NAV3: variants seen among roughly 807,000 people sequenced by gnomAD.
The protein encoded by NAV3 is neuron navigator 3.
NAV3 carries 87 observed loss-of-function variants against 244.7 expected under a neutral mutation model. That is an observed-to-expected ratio of 0.36 (90% CI 0.30 to 0.42). The LOEUF (loss-of-function observed/expected upper bound fraction) is 0.42, where lower values mean the gene tolerates loss of function less well. NAV3 is among the 20% of genes least tolerant of loss of function. The pLI is 1.00. For missense variants in NAV3, 2,663 were observed against 2,893.3 expected (o/e 0.92, Z 1.83); for synonymous variants, 1,126 against 1,042.2 (o/e 1.08, Z -1.55).
At chr12:77,622,560 T>TTA (rs1491148669) in intron 2 of NAV3, among the ~76,000 whole-genome samples, 1 of 142,410 alleles carries the variant, frequency 7.0e-6, no homozygotes, top group Non-Finnish European at 1.5e-5. Context: ...TTTTTTTTTT[T>TTA]ACTGGAAGTT....
intron 2 of NAV3, among the ~76,000 whole-genome samples, chr12:77,683,335 A>T (rs1232191893): frequency 1.3e-5 from 2 of 151,562 alleles, no homozygotes; most frequent in Admixed American, 1.3e-4. Flanking sequence ...GTATAGTTTT[A>T]TCTCTGGATA....
Position 78,006,498 on chromosome 12 carries a change from C to G in NAV3, c.960C>G (p.Ala320=). 6.2e-7 allele frequency: 1 copy of G among 1,614,060 alleles called. No homozygotes were observed. The highest frequency in any genetic ancestry group is 8.5e-7 in the Non-Finnish European group (1 of 1,180,024). Residue 320 remains alanine, a synonymous_variant, in exon 8 of 40, where the codon GCC becomes GCG. Transcript: ENST00000397909. ...CCAGTACTGCTGGGCAGCCTCCTGC[C>G]TCTGCCATCCCTTCTCCAAGTGCCA... ...QPPSTAGQPP[A]SAIPSPSASK...
At chr12:78,052,806 T>C (rs1265588278) in intron 11 of NAV3, among the ~76,000 whole-genome samples, 1 of 152,140 alleles carries the variant, frequency 6.6e-6, no homozygotes, top group East Asian at 1.9e-4. Context: ...CTCTTCTCTT[T>C]TTTTTCTCAA....
intron 1 of NAV3, among the ~76,000 whole-genome samples, chr12:77,837,146 G>C (rs11106932): frequency 6.6e-6 from 1 of 151,760 alleles, no homozygotes; most frequent in East Asian, 1.9e-4. Context: ...AGAAAAGACC[G>C]AATTTTTGAA....
At chr12:78,035,724 A>G (rs770120) in intron 9 of NAV3, among the ~76,000 whole-genome samples, 1 of 152,090 alleles carries the variant, frequency 6.6e-6, no homozygotes, top group Non-Finnish European at 1.5e-5. Context: ...TTTTCTTTCT[A>G]TTTCCTTTTT....
At chr12:77,606,331 T>C (rs1423378971) in intron 2 of NAV3, among the ~76,000 whole-genome samples, 1 of 152,164 alleles carries the variant, frequency 6.6e-6, no homozygotes, top group Non-Finnish European at 1.5e-5. Flanking sequence ...CCAATGGTTA[T>C]ATATAAAATA....
At chr12:77,965,592 C>G (rs1892444178) in intron 3 of NAV3, among the ~76,000 whole-genome samples, 1 of 152,182 alleles carries the variant, frequency 6.6e-6, no homozygotes, top group Non-Finnish European at 1.5e-5. Flanking sequence ...GCACTCCAGC[C>G]TGTGTGACGG....
intron 2 of NAV3, among the ~76,000 whole-genome samples, chr12:77,594,624 A>G (rs992322185): frequency 1.4e-4 from 21 of 152,228 alleles, no homozygotes; most frequent in African/African-American, 5.1e-4. Context: ...AGTGAGTCAT[A>G]AAAGAAAATG....
chr12:77,809,895 T>A lies in NAV3; in HGVS notation c.73-130424T>A, dbSNP rs187811107. Among the ~76,000 whole-genome samples the A allele has an allele frequency of 4.1e-3, 623 of 152,346 alleles. 5 individuals are homozygous for A. The highest frequency in any genetic ancestry group is 0.013 in the South Asian group (62 of 4,832). ...GTCAGATACATACTTGGTTAATATA[T>A]CAAATCTACCTTTGGTTGGGTTCGT... On this transcript the variant is annotated intron_variant, in intron 2 of 8. Coordinates refer to the NAV3 transcript ENST00000550042.
At chr12:77,655,144 G>C (rs973762920) in intron 2 of NAV3, among the ~76,000 whole-genome samples, 7 of 152,110 alleles carry the variant, frequency 4.6e-5, no homozygotes, top group African/African-American at 1.4e-4. Flanking sequence ...GGCTTCAGAT[G>C]ATCAAACTAC....
intron 2 of NAV3, among the ~76,000 whole-genome samples, chr12:77,792,584 G>A (rs887583968): frequency 1.3e-5 from 2 of 152,184 alleles, no homozygotes; most frequent in Non-Finnish European, 2.9e-5. Flanking sequence ...ACCACGAGAA[G>A]TCTGTTTCTG....
At position 78,185,653 on chromosome 12, in the gene NAV3, T is replaced by C. The variant is rs1958681749; in HGVS notation, c.5745T>C (p.Ser1915=). The part of the protein sequence containing the change: ...GDATGHKDGR[S]VKIIVSISKG... Reference sequence around the variant, plus strand: ...CAACTGGACATAAAGATGGCCGCAGTGTGAAAATTATAGTCTCCATAAGCA... The same window carrying C: ...CAACTGGACATAAAGATGGCCGCAGCGTGAAAATTATAGTCTCCATAAGCA... Residue 1915 remains serine, a synonymous_variant, in exon 31 of 40, where the codon AGT becomes AGC. Coordinates refer to ENST00000397909, the MANE Select transcript of NAV3 (RefSeq NM_001024383.2). 4 of 1,608,612 alleles carry C rather than the reference T, an allele frequency of 2.5e-6. No homozygotes were observed. The highest frequency in any genetic ancestry group is 4.5e-5 in the East Asian group (2 of 44,658).
chr12:77,593,282 G>GTGTC (rs1869994896), intron 2 of NAV3, among the ~76,000 whole-genome samples: 1 of 19,700 alleles, frequency 5.1e-5, no homozygotes, highest in African/African-American at 1.3e-4. Flanking sequence ...ATGTGTGTCT[G>GTGTC]TGTGTGTGTG....
Position 78,211,464 on chromosome 12 carries a change from T to A in NAV3, c.*947T>A, listed in dbSNP as rs983001720. On this transcript the variant is annotated 3_prime_UTR_variant, in exon 40 of 40. Transcript: ENST00000397909. The stretch of plus-strand genomic sequence containing the variant: ...AACATAGTAGCCTCATCTCTATATA[T>A]CTTTCTCTTTTTTTTTTTTTTGAAG... 2 of 109,838 alleles carry A rather than the reference T, an allele frequency of 1.8e-5. No homozygotes were observed. The highest frequency in any genetic ancestry group is 4.5e-5 in the Non-Finnish European group (2 of 44,454). The allele number at this position is 109,838 out of a possible 1,614,324, so 6.8% of individuals were successfully genotyped here. A position where few individuals can be genotyped will look rare whatever the true frequency, so the allele number is the denominator to read the frequency against.
chr12:77,895,168 T>A (rs1403552801), intron 1 of NAV3, among the ~76,000 whole-genome samples: 1 of 152,130 alleles, frequency 6.6e-6, no homozygotes, highest in Non-Finnish European at 1.5e-5. Context: ...AACATAGACT[T>A]TGCATTCCTA....
intron 12 of NAV3, among the ~76,000 whole-genome samples, chr12:78,077,805 G>C (rs926873922): frequency 6.6e-6 from 1 of 152,224 alleles, no homozygotes; most frequent in African/African-American, 2.4e-5. Flanking sequence ...GGGCATGGCA[G>C]TGGGTGCCTG....
chr12:77,938,985 C>T (rs935832516), intron 1 of NAV3, among the ~76,000 whole-genome samples: 4 of 148,064 alleles, frequency 2.7e-5, no homozygotes, highest in Admixed American at 6.8e-5. Flanking sequence ...GTGTGAAGTG[C>T]GGTGTAGATA....
chr12:78,001,799 G>A (rs2136485625), intron 7 of NAV3, among the ~76,000 whole-genome samples: 1 of 152,318 alleles, frequency 6.6e-6, no homozygotes, highest in East Asian at 1.9e-4. Flanking sequence ...ATGTCGAAGT[G>A]GAACGCGGAA....
At chr12:78,162,654 A>G (rs1957592888) in intron 23 of NAV3, among the ~76,000 whole-genome samples, 1 of 151,166 alleles carries the variant, frequency 6.6e-6, no homozygotes. Flanking sequence ...CCCTGAGATC[A>G]GGAGTTCAAG....
Sources: gnomAD v4.1 joint callset for allele counts (sites outside exome capture counted in the v4.1 genomes callset) on GRCh38, gnomAD v4.1.1 for gene constraint, MANE v1.5 for transcripts, NCBI Gene and HGNC (gene_info 2026-07-23, HGNC 2026-07-21) for gene names.